ADAP1: variants seen among roughly 807,000 people sequenced by gnomAD.
ADAP1 encodes arf-GAP with dual PH domain-containing protein 1.
In ADAP1, 31 loss-of-function variants were observed where a neutral mutation model predicts 54.9. The observed-to-expected ratio is 0.56, with a 90% CI of 0.42 to 0.76. The LOEUF (loss-of-function observed/expected upper bound fraction) is 0.76. Ranked by LOEUF, ADAP1 falls within the 30% of genes least tolerant of loss-of-function variation. The probability of loss-of-function intolerance (pLI) is 0.00; values close to 1 mark genes in which losing one functional copy is unlikely to be tolerated. For synonymous variants in ADAP1, 313 were observed against 202.6 expected (o/e 1.55, Z -4.63); for missense variants, 535 against 512.4 (o/e 1.04, Z -0.42).
chr7:908,577 G>A (rs1232544083), intron 4 of ADAP1, among the ~76,000 whole-genome samples: 1 of 152,228 alleles, frequency 6.6e-6, no homozygotes, highest in Non-Finnish European at 1.5e-5. Flanking sequence ...GGCCACCAGT[G>A]TCCCTCAGAC....
At chr7:905,879 A>AGGGAGAAGGGAGAAGGGAGAAGGGAG (rs1562913139) in intron 4 of ADAP1, among the ~76,000 whole-genome samples, 1 of 21,750 alleles carries the variant, frequency 4.6e-5, no homozygotes, top group Non-Finnish European at 1.1e-4. Context: ...AGAAGGGAGA[A>AGGGAGAAGGGAGAAGGGAGAAGGGAG]AGGAGAAAGG....
Position 905,359 on chromosome 7 carries a change from G to GGAAAGGAGAAAGGA in ADAP1, c.389-188_389-187insTCCTTTCTCCTTTC, listed in dbSNP as rs1329286701. The GGAAAGGAGAAAGGA allele has an allele frequency of 1.3e-3, 190 of 151,714 alleles. 13 individuals carry two copies. The highest frequency in any genetic ancestry group is 1.6e-3 in the Non-Finnish European group (147 of 90,100). The allele number at this position is 151,714 out of a possible 1,614,324, so 9.4% of individuals were successfully genotyped here. A position where few individuals can be genotyped will look rare whatever the true frequency, so the allele number is the denominator to read the frequency against. On this transcript the variant is annotated intron_variant, in intron 4 of 10. Transcript: ENST00000265846. The stretch of plus-strand genomic sequence containing the variant: ...GACAGGGAGATAGGAAGATGGGCAG[G>GGAAAGGAGAAAGGA]GAAAGGGAAAGGGAAAGGAGAAAGG...
At chr7:934,991 C>T (rs777748869) in intron 2 of ADAP1, among the ~76,000 whole-genome samples, 9 of 152,354 alleles carry the variant, frequency 5.9e-5, no homozygotes, top group East Asian at 3.9e-4. Flanking sequence ...GGTCGTGCCG[C>T]GCGGCCTGGG....
At chr7:936,412 C>G (rs753701702) in intron 1 of ADAP1, among the ~76,000 whole-genome samples, 1 of 152,162 alleles carries the variant, frequency 6.6e-6, no homozygotes, top group Non-Finnish European at 1.5e-5. Flanking sequence ...AGGCTGGCCT[C>G]GAACTCTTGA....
At chr7:905,912 A>AGAAGGGAGAAGGGAG (rs1562913229) in intron 4 of ADAP1, among the ~76,000 whole-genome samples, 3 of 3,540 alleles carry the variant, frequency 8.5e-4, no homozygotes, top group Non-Finnish European at 3.6e-3. Context: ...GGAGAAAGGG[A>AGAAGGGAGAAGGGAG]AAGGAGAAAG....
At chr7:900,740 G>A in intron 6 of ADAP1, 124 bp from the exon 7 acceptor site, 1 of 800,602 alleles carries the variant, frequency 1.2e-6, no homozygotes, top group Non-Finnish European at 2.0e-6. Flanking sequence ...CTCCTCCCCG[G>A]CACCTCAGCT....
chr7:911,278 C>T (rs1308384316), intron 4 of ADAP1, among the ~76,000 whole-genome samples: 2 of 152,192 alleles, frequency 1.3e-5, no homozygotes, highest in African/African-American at 2.4e-5. Flanking sequence ...GCATGGGGCC[C>T]GGCCCCCGAC....
rs762215095 is a variant in ADAP1 at position 899,093 on chromosome 7, C to T, written c.1036G>A (p.Glu346Lys). Reference protein sequence around the residue: ...FACETESDQREWVAAFQKAVD... With the variant: ...FACETESDQRKWVAAFQKAVD... ...GCCTTCTGGAAGGCCGCCACCCACT[C>T]CCTCTGGTCGGACTCCGTCTCGCAG... Residue 346 changes from glutamate to lysine, a missense_variant, in exon 10 of 11, where the codon GAG (glutamate) becomes AAG (lysine). Coordinates refer to ENST00000265846, the MANE Select transcript of ADAP1 (RefSeq NM_006869.4). 1 of 1,608,284 alleles carries T rather than the reference C, an allele frequency of 6.2e-7. No individual in the cohort carries two copies. Among genetic ancestry groups the T allele is most frequent in the Non-Finnish European group, 8.5e-7 (1 of 1,179,920 alleles).
At chr7:922,542 G>A (rs1846227285) in intron 3 of ADAP1, among the ~76,000 whole-genome samples, 1 of 152,160 alleles carries the variant, frequency 6.6e-6, no homozygotes, top group Non-Finnish European at 1.5e-5. Context: ...TGGCCACTGT[G>A]ACCCCCATAG....
intron 2 of ADAP1, among the ~76,000 whole-genome samples, chr7:927,762 TG>T (rs1197170662): frequency 2.0e-5 from 3 of 152,170 alleles, no homozygotes; most frequent in Admixed American, 1.3e-4. Context: ...AAGGGAAAAC[TG>T]GCGTGTGCTC....
intron 4 of ADAP1, 158 bp from the exon 5 acceptor site, chr7:905,330 A>T (rs1441176292): frequency 2.7e-5 from 11 of 400,472 alleles, no homozygotes; most frequent in Non-Finnish European, 4.5e-5. Flanking sequence ...GGGGACATGG[A>T]GGAGACAGGG....
At chr7:900,395 G>C (rs112692414) in intron 7 of ADAP1, 138 bp downstream of exon 7, 13 of 1,030,610 alleles carry the variant, frequency 1.3e-5, no homozygotes, top group African/African-American at 8.0e-5. Flanking sequence ...CTGCAGGCAC[G>C]TCAGGGTGAG....
At position 954,504 on chromosome 7, in the gene ADAP1, G is replaced by A; in HGVS notation, c.-27C>T. ...GCCGCGATGCGCCCGCGATGCCGAT[G>A]CCGGGGCCGGGGCCGGGAGCGTCAG... On this transcript the variant is annotated 5_prime_UTR_variant, in exon 1 of 11. Coordinates refer to ENST00000265846, the MANE Select transcript of ADAP1 (RefSeq NM_006869.4). 1 of 1,009,802 alleles carries A rather than the reference G, an allele frequency of 9.9e-7. No individual in the cohort carries two copies. Among genetic ancestry groups the A allele is most frequent in the Non-Finnish European group, 1.2e-6 (1 of 848,058 alleles). 62.6% of individuals were successfully genotyped at this position (1,009,802 alleles called of 1,614,324 possible).
intron 6 of ADAP1, chr7:900,851 C>A (rs913396870): frequency 7.0e-5 from 44 of 631,304 alleles, no homozygotes; most frequent in Admixed American, 3.3e-4. Flanking sequence ...CAGCCTCCCC[C>A]GGCGAAGTCC....
intron 4 of ADAP1, among the ~76,000 whole-genome samples, chr7:907,909 G>A (rs1845541793): frequency 6.6e-6 from 1 of 151,758 alleles, no homozygotes; most frequent in African/African-American, 2.4e-5. Context: ...GTCTGCCGAG[G>A]AGCCGTCTGC....
intron 3 of ADAP1, among the ~76,000 whole-genome samples, chr7:925,632 GC>G (rs146889529): frequency 2.1e-4 from 32 of 152,372 alleles, no homozygotes; most frequent in African/African-American, 6.7e-4. Flanking sequence ...CCCACCAGCA[GC>G]TCCTGGGCAG....
At position 904,207 on chromosome 7, in the gene ADAP1, G is replaced by C. The variant is rs150403059; in HGVS notation, c.567C>G (p.Ile189Met). 1 of 1,611,258 alleles carries C rather than the reference G, an allele frequency of 6.2e-7. No homozygotes were observed. The highest frequency in any genetic ancestry group is 8.5e-7 in the Non-Finnish European group (1 of 1,179,196). Residue 189 changes from isoleucine to methionine, a missense_variant, in exon 6 of 11, where the codon ATC (isoleucine) becomes ATG (methionine). Physicochemically the swap from Ile to Met is conservative, Grantham distance 10. Transcript: ENST00000265846. ...HLNATFQPAK[I>M]GHPHGLQVTY... is the part of the protein sequence containing the mutation. ...TGACCTGCAGGCCGTGGGGGTGGCC[G>C]ATCTTGGCCGGCTGGAAGGTGGCGT...
chr7:938,652 C>T lies in ADAP1; in HGVS notation c.83-3147G>A, dbSNP rs570220427. On this transcript the variant is annotated intron_variant, in intron 1 of 10. Transcript: ENST00000265846. This position sits in a 1 kb window ranked among gnomAD's most constrained non-coding sequence, Gnocchi z 4.4. ...CTGTGCGAGGGGCGCCCAGAAGGCA[C>T]GCCAGTCTCCGGGCCTCGGTCTCCT... Among the ~76,000 whole-genome samples, 4 of 152,170 alleles carry T rather than the reference C, an allele frequency of 2.6e-5. No homozygotes were observed. The highest frequency in any genetic ancestry group is 5.9e-5 in the Non-Finnish European group (4 of 68,024).
chr7:928,765 C>T (rs375882420), intron 2 of ADAP1, among the ~76,000 whole-genome samples: 6 of 152,178 alleles, frequency 3.9e-5, no homozygotes, highest in Admixed American at 1.3e-4. Flanking sequence ...TGGGAACCTC[C>T]GGCTCTGGTG....
Sources: allele counts gnomAD v4.1 joint callset (sites outside exome capture counted in the v4.1 genomes callset), GRCh38; gene constraint gnomAD v4.1.1; non-coding constraint Gnocchi (gnomAD v3.1); transcripts MANE v1.5; gene names NCBI Gene and HGNC (gene_info 2026-07-23, HGNC 2026-07-21).